The following ADAM28 variants were observed in gnomAD, a reference collection of about 807,000 sequenced individuals.
The protein encoded by ADAM28 is disintegrin and metalloproteinase domain-containing protein 28.
A neutral mutation model predicts 101.2 loss-of-function variants in ADAM28; 105 were observed. That is an observed-to-expected ratio of 1.04 (90% CI 0.89 to 1.22). ADAM28 has a LOEUF of 1.22. Among genes scored for constraint, ADAM28 ranks in the 50% most tolerant of loss-of-function variants. The probability of loss-of-function intolerance (pLI) is 0.00; values close to 1 mark genes in which losing one functional copy is unlikely to be tolerated. For synonymous variants in ADAM28, 322 were observed against 310.6 expected, an observed-to-expected ratio of 1.04 and a Z score of -0.39; for missense variants, 1,028 against 945.4, an observed-to-expected ratio of 1.09 and a Z score of -1.15.
At position 24,326,598 on chromosome 8, in the gene ADAM28, C is replaced by T. The variant is rs1407525691; in HGVS notation, c.935C>T (p.Ser312Phe). ...ACGACTGTGGGTCTTGCATTTATGTCTACAATGTGTTCTCCTTATTCTGTT... is the reference window on the plus strand; with the variant it reads ...ACGACTGTGGGTCTTGCATTTATGTTTACAATGTGTTCTCCTTATTCTGTT... ...AGTTVGLAFMSTMCSPYSVGV... is the reference protein window; with the variant it reads ...AGTTVGLAFMFTMCSPYSVGV... The change falls in exon 10 of 23, where the codon TCT becomes TTT. Residue 312 changes from serine to phenylalanine, a missense_variant. Transcript: ENST00000265769. The T allele has an allele frequency of 6.2e-7, 1 of 1,612,118 alleles. No homozygotes were observed. The highest frequency in any genetic ancestry group is 2.2e-5 in the East Asian group (1 of 44,768).
At chr8:24,295,246 T>C (rs1807804025) in intron 1 of ADAM28, among the ~76,000 whole-genome samples, 1 of 152,212 alleles carries the variant, frequency 6.6e-6, no homozygotes, top group South Asian at 2.1e-4. Flanking sequence ...TTGCTTTATA[T>C]AATATGTACC....
intron 11 of ADAM28, 127 bp downstream of exon 11, chr8:24,330,242 C>A: frequency 1.8e-6 from 2 of 1,101,866 alleles, no homozygotes; most frequent in Non-Finnish European, 2.6e-6. Flanking sequence ...GCATTTGTGC[C>A]AAGCCACCTC....
At chr8:24,338,075 C>T (rs763330099) in intron 14 of ADAM28, among the ~76,000 whole-genome samples, 8 of 152,144 alleles carry the variant, frequency 5.3e-5, no homozygotes, top group South Asian at 2.1e-4. Context: ...ATCATCTTTA[C>T]GGACAGAAAA....
intron 10 of ADAM28, 110 bp from the exon 11 acceptor site, chr8:24,329,847 CTGTGTGTGTGTGTGTGTGTGTTTGTGTG>C (rs1296692128): frequency 3.0e-6 from 2 of 672,784 alleles, no homozygotes; most frequent in African/African-American, 1.9e-5. Context: ...CTCTCTTGCT[CTGTGTGTGTGTGTGTGTGTGTTTGTGTG>C]TGTGTGTGTG....
chr8:24,331,735 A>C (rs150300549), intron 12 of ADAM28, among the ~76,000 whole-genome samples: 178 of 152,182 alleles, frequency 1.2e-3, no homozygotes, highest in African/African-American at 4.0e-3. Flanking sequence ...GGAGCCAAGA[A>C]CTGGATTCAA....
chr8:24,309,702 G>T lies in ADAM28; in HGVS notation c.151-192G>T, dbSNP rs575651640. Among the ~76,000 whole-genome samples, 5 of 152,272 alleles carry T rather than the reference G, an allele frequency of 3.3e-5. No individual in the cohort carries two copies. In the East Asian group the frequency reaches 9.7e-4, roughly 29 times the overall value. On this transcript the variant is annotated intron_variant, in intron 2 of 22. Transcript: ENST00000265769. ...GGAAGGATGGTTGGAAGGGTGGATG[G>T]ATAAAAGGCTCTCAGATAATTTGTT...
Position 24,313,557 on chromosome 8 carries a change from G to A in ADAM28, c.553G>A (p.Ala185Thr), listed in dbSNP as rs761025131. Reference sequence around the variant, plus strand: ...GGCCCACGATTTGCAGCAGAACATTGCCCTACCTGCCACCAAACTAGTAGT... The same window carrying A: ...GGCCCACGATTTGCAGCAGAACATTACCCTACCTGCCACCAAACTAGTAGT... The part of the protein sequence containing the change: ...LWAHDLQQNI[A>T]LPATKLVKLK... The change falls in exon 6 of 23, where the codon GCC becomes ACC. Residue 185 changes from alanine (A) to threonine (T), a missense_variant. Transcript: ENST00000265769. The A allele has an allele frequency of 1.2e-6, 2 of 1,613,554 alleles. No individual in the cohort carries two copies. The highest frequency in any genetic ancestry group is 2.2e-5 in the South Asian group (2 of 91,036).
intron 1 of ADAM28, among the ~76,000 whole-genome samples, chr8:24,297,506 T>C (rs1246537809): frequency 6.6e-6 from 1 of 152,206 alleles, no homozygotes; most frequent in Non-Finnish European, 1.5e-5. Flanking sequence ...GAAGGCAGCT[T>C]GGACTACTAT....
At chr8:24,347,219 A>G (rs1264120327) in intron 18 of ADAM28, among the ~76,000 whole-genome samples, 1 of 152,120 alleles carries the variant, frequency 6.6e-6, no homozygotes, top group African/African-American at 2.4e-5. Flanking sequence ...CAAATAAGTC[A>G]ATTGGTTTGT....
chr8:24,309,724 TG>T (rs1470280214), intron 2 of ADAM28, among the ~76,000 whole-genome samples, 169 bp from the exon 3 acceptor site: 7 of 152,158 alleles, frequency 4.6e-5, no homozygotes, highest in African/African-American at 1.7e-4. Flanking sequence ...TCAGATAATT[TG>T]TTTATTTAGT....
At position 24,313,449 on chromosome 8, in the gene ADAM28, G is replaced by A. The variant is rs149665046; in HGVS notation, c.445G>A (p.Asp149Asn). Residue 149 changes from aspartate to asparagine, a missense_variant, in exon 6 of 23, where the codon GAT becomes AAT. Asp to Asn is a conservative substitution (Grantham distance 23, BLOSUM62 1). Coordinates refer to ENST00000265769, the MANE Select transcript of ADAM28 (RefSeq NM_014265.6). ...FIEPLSPIHR[D>N]GQEHALFKYN... ...TGAACCTTTAAGCCCCATACATCGG[G>A]ATGGACAGGAGCATGCACTCTTCAA... 1.5e-5 allele frequency: 25 copies of A among 1,613,616 alleles called. No individual in the cohort carries two copies. The African/African-American group carries it at 3.3e-4, about 22-fold the overall frequency.
In ADAM28 at chr8:24,329,734, A is replaced by G. The variant is rs180810997; in HGVS notation, c.973-251A>G. On this transcript the variant is annotated intron_variant, in intron 10 of 22. Coordinates refer to ENST00000265769, the MANE Select transcript of ADAM28 (RefSeq NM_014265.6). ...GATGAAAATTTGCCATCTTTCTTGG[A>G]AAGAAAACTAGAACAATTTCCTTCA... 1.5e-3 allele frequency among the ~76,000 whole-genome samples: 231 copies of G among 152,184 alleles called. 1 individual carries two copies. The highest frequency in any genetic ancestry group is 1.2e-3 in the South Asian group (6 of 4,816).
Position 24,356,043 on chromosome 8 carries a change from C to G in ADAM28, c.*1639C>G, listed in dbSNP as rs988541336. 1 of 152,158 alleles carries G rather than the reference C, an allele frequency of 6.6e-6. No homozygotes were observed. The highest frequency in any genetic ancestry group is 2.4e-5 in the African/African-American group (1 of 41,440). The allele number at this position is 152,158 out of a possible 1,614,324, so 9.4% of individuals were successfully genotyped here. On this transcript the variant is annotated 3_prime_UTR_variant, in exon 23 of 23. Transcript: ENST00000265769. ...CAGTATGAGGTTCTAGATAAGCCCA[C>G]TCTGGCCTCAAAAGTGAAGCTCAGT...
chr8:24,343,794 T>C (rs1038364707), intron 18 of ADAM28, among the ~76,000 whole-genome samples: 3 of 152,188 alleles, frequency 2.0e-5, no homozygotes, highest in African/African-American at 7.2e-5. Flanking sequence ...TGCAAAAAAA[T>C]TTCCTCAACC....
At chr8:24,332,636 A>G (rs201667325) in intron 12 of ADAM28, 24 bp from the exon 13 acceptor site, 52 of 1,360,504 alleles carry the variant, frequency 3.8e-5, no homozygotes, top group Non-Finnish European at 5.1e-5. Flanking sequence ...TGTTGCATTT[A>G]CATTTGTTTC....
rs1585520040 is a variant in ADAM28, at chr8:24,304,915, T to TTAAA, written c.150+4838_150+4839insTAAA. 4.2e-5 allele frequency among the ~76,000 whole-genome samples: 5 copies of TTAAA among 117,868 alleles called. No individual in the cohort carries two copies. The East Asian group carries it at 1.2e-3, about 28-fold the overall frequency. 77.3% of individuals were successfully genotyped at this position (117,868 alleles called of 152,430 possible). A position where few individuals can be genotyped will look rare whatever the true frequency, so the allele number is the denominator to read the frequency against. On this transcript the variant is annotated intron_variant, in intron 2 of 22. Transcript: ENST00000265769. ...TGGGCAACAAGAGTGAAACTCCTTC[T>TTAAA]CAAAAAAAAAAAAAAATAGATTATG...
intron 6 of ADAM28, among the ~76,000 whole-genome samples, chr8:24,315,482 A>C (rs1811043609): frequency 6.6e-6 from 1 of 152,024 alleles, no homozygotes; most frequent in Admixed American, 6.6e-5. Flanking sequence ...AGAAAGCCTG[A>C]ACAGACCAAT....
intron 5 of ADAM28, 60 bp from the exon 6 acceptor site, chr8:24,313,328 T>A (rs1810718749): frequency 6.9e-7 from 1 of 1,449,366 alleles, no homozygotes; most frequent in African/African-American, 1.4e-5. Context: ...ATCTTATAAA[T>A]CTGTATGAAC....
chr8:24,325,871 C>CAAAAGAAAAA (rs1812476449), intron 9 of ADAM28, among the ~76,000 whole-genome samples: 1 of 20,420 alleles, frequency 4.9e-5, no homozygotes, highest in African/African-American at 2.2e-4. Flanking sequence ...GTACAGATAG[C>CAAAAGAAAAA]AAAAAAAAAA....
Sources: gnomAD v4.1 joint callset for allele counts (sites outside exome capture counted in the v4.1 genomes callset) on GRCh38, gnomAD v4.1.1 for gene constraint, MANE v1.5 for transcripts, NCBI Gene and HGNC (gene_info 2026-07-23, HGNC 2026-07-21) for gene names.